The following NCF2 variants were observed in gnomAD, a reference collection of about 807,000 sequenced individuals.
The protein encoded by NCF2 is neutrophil cytosol factor 2.
NCF2 carries 45 observed loss-of-function variants against 70.9 expected under a neutral mutation model. The ratio of observed to expected loss-of-function variants is 0.63; its 90% CI spans 0.50 to 0.81. The LOEUF (loss-of-function observed/expected upper bound fraction) is 0.81, where lower values mean the gene tolerates loss of function less well. NCF2 is among the 40% of genes least tolerant of loss of function. The probability of loss-of-function intolerance (pLI) is 0.00; values close to 1 mark genes in which losing one functional copy is unlikely to be tolerated. For missense variants in NCF2, 522 were observed against 631.6 expected, an observed-to-expected ratio of 0.83 and a Z score of 1.86; for synonymous variants, 203 against 233.6, an observed-to-expected ratio of 0.87 and a Z score of 1.19.
chr1:183,599,463 TTTCTTTCTTTCTTTCTTTCTC>T, the NCF2 span, among the ~76,000 whole-genome samples: 23 of 142,326 alleles, frequency 1.6e-4, no homozygotes, highest in Non-Finnish European at 2.6e-4. Flanking sequence ...TCTTTCTTTC[TTTCTTTCTTTCTTTCTTTCTC>T]TTTTCTTTCT....
At chr1:183,573,046 G>A in intron 5 of NCF2, 139 bp downstream of exon 5, 1 of 815,020 alleles carries the variant, frequency 1.2e-6, no homozygotes, top group Non-Finnish European at 2.2e-6. Context: ...CCAAACCTCT[G>A]TCCTATAAAC....
chr1:183,582,411 T>G (rs1283582233), intron 2 of NCF2, among the ~76,000 whole-genome samples: 1 of 152,198 alleles, frequency 6.6e-6, no homozygotes, highest in African/African-American at 2.4e-5. Context: ...AGGCAGGGGA[T>G]CCACCAGCTG....
At chr1:183,581,016 T>G (rs1572170810) in intron 2 of NCF2, among the ~76,000 whole-genome samples, 1 of 144,516 alleles carries the variant, frequency 6.9e-6, no homozygotes, top group Admixed American at 6.9e-5. Flanking sequence ...TTGGGCCTGG[T>G]AGGAGAGAGA....
At chr1:183,565,851 A>C (rs1572153621) in intron 9 of NCF2, 72 bp from the exon 10 acceptor site, 1 of 1,445,002 alleles carries the variant, frequency 6.9e-7, no homozygotes, top group Non-Finnish European at 9.7e-7. Flanking sequence ...GTGGGGAAAC[A>C]CCCCTACAGA....
upstream of NCF2, among the ~76,000 whole-genome samples, chr1:183,592,646 T>C (rs1336620362): frequency 6.6e-6 from 1 of 152,210 alleles, no homozygotes; most frequent in Non-Finnish European, 1.5e-5. Flanking sequence ...TTCCATCTAG[T>C]GAATAAATAA....
At chr1:183,599,946 T>C in the NCF2 span, among the ~76,000 whole-genome samples, 1 of 152,200 alleles carries the variant, frequency 6.6e-6, no homozygotes, top group Non-Finnish European at 1.5e-5. Flanking sequence ...AGATATTCCT[T>C]AGACAATTTA....
the NCF2 span, among the ~76,000 whole-genome samples, chr1:183,596,162 G>T: frequency 6.6e-6 from 1 of 151,474 alleles, no homozygotes; most frequent in Non-Finnish European, 1.5e-5. Flanking sequence ...CCCATGATAT[G>T]GTGGATTTTT....
chr1:183,562,212 G>C (rs1672092551), intron 13 of NCF2, among the ~76,000 whole-genome samples: 1 of 152,116 alleles, frequency 6.6e-6, no homozygotes, highest in African/African-American at 2.4e-5. Flanking sequence ...ATAGATTGAA[G>C]CTGCTGTCAA....
intron 2 of NCF2, among the ~76,000 whole-genome samples, chr1:183,586,386 A>C (rs1005594481): frequency 2.0e-5 from 3 of 152,256 alleles, no homozygotes; most frequent in Admixed American, 6.5e-5. Context: ...GTATAAGTGC[A>C]TACGCTACTT....
At chr1:183,564,140 T>G in intron 10 of NCF2, 110 bp from the exon 11 acceptor site, 1 of 1,049,500 alleles carries the variant, frequency 9.5e-7, no homozygotes, top group Non-Finnish European at 1.5e-6. Flanking sequence ...CCCAACCTCT[T>G]ACCCTTTAAT....
rs368803722 is a variant in NCF2, at chr1:183,573,142, C to G, written c.609+43G>C. On this transcript the variant is annotated intron_variant, in intron 5 of 14. Transcript: ENST00000367535. ...CCCTCCCACCTTGCTCCACATGGCC[C>G]GGGCCACAGGAGACTCAGGGGAAGC... The G allele has an allele frequency of 6.3e-6, 10 of 1,578,480 alleles. No individual in the cohort carries two copies. The East Asian group carries it at 1.1e-4, about 18-fold the overall frequency.
intron 2 of NCF2, among the ~76,000 whole-genome samples, chr1:183,584,953 G>A (rs766295237): frequency 1.3e-5 from 2 of 152,096 alleles, no homozygotes; most frequent in African/African-American, 4.8e-5. Flanking sequence ...AATATGGGGG[G>A]AAGAGAGAGC....
At chr1:183,557,547 C>T (rs1377233528) in intron 14 of NCF2, among the ~76,000 whole-genome samples, 2 of 152,232 alleles carry the variant, frequency 1.3e-5, no homozygotes, top group Non-Finnish European at 2.9e-5. Context: ...CATCTCATAA[C>T]TTGAATGCAA....
At chr1:183,574,423 GTCC>G in intron 4 of NCF2, 61 bp downstream of exon 4, 1 of 1,608,342 alleles carries the variant, frequency 6.2e-7, no homozygotes, top group Non-Finnish European at 8.5e-7. Flanking sequence ...TCAATGGCAT[GTCC>G]TCTGAGACAA....
In NCF2 at chr1:183,586,937, A is replaced by G. The variant is rs1328721147; in HGVS notation, c.215T>C (p.Val72Ala). Reference sequence around the variant, plus strand: ...GAGCATCCCTCGTTGGAAGTAAGCCACTGCCAAGTGCTTGTCTCGGTTAAT... The same window carrying G: ...GAGCATCCCTCGTTGGAAGTAAGCCGCTGCCAAGTGCTTGTCTCGGTTAAT... ...RSINRDKHLAVAYFQRGMLYY... is the reference protein window; with the variant it reads ...RSINRDKHLAAAYFQRGMLYY... Residue 72 changes from valine (V) to alanine (A), a missense_variant, in exon 2 of 15, where the codon GTG becomes GCG. Coordinates refer to ENST00000367535, the MANE Select transcript of NCF2 (RefSeq NM_000433.4). 1 of 1,614,170 alleles carries G rather than the reference A, an allele frequency of 6.2e-7. No individual in the cohort carries two copies. The highest frequency in any genetic ancestry group is 1.7e-5 in the Admixed American group (1 of 60,024).
At chr1:183,560,020 A>G (rs930459569) in intron 14 of NCF2, 76 bp downstream of exon 14, 2 of 1,482,000 alleles carry the variant, frequency 1.3e-6, no homozygotes, top group South Asian at 2.3e-5. Context: ...GATTATTGAT[A>G]TTTTCTTCTC....
chr1:183,562,268 A>G (rs1001916451), intron 13 of NCF2, among the ~76,000 whole-genome samples: 4 of 152,214 alleles, frequency 2.6e-5, no homozygotes, highest in African/African-American at 9.6e-5. Context: ...AGTAGTTCAC[A>G]TTTAGAGCAG....
chr1:183,574,020 G>A (rs1391252860), intron 4 of NCF2, among the ~76,000 whole-genome samples: 1 of 152,242 alleles, frequency 6.6e-6, no homozygotes, highest in Non-Finnish European at 1.5e-5. Context: ...AACCCAGGAG[G>A]CAGAGGCTGC....
chr1:183,563,475 C>T lies in NCF2; in HGVS notation c.1137G>A (p.Val379=), dbSNP rs1473126708. The T allele has an allele frequency of 6.2e-7, 1 of 1,614,198 alleles. No homozygotes were observed. Among genetic ancestry groups the T allele is most frequent in the Admixed American group, 1.7e-5 (1 of 60,012 alleles). The change falls in exon 12 of 15, where the codon GTG becomes GTA. Residue 379 remains valine, a synonymous_variant. Coordinates refer to ENST00000367535, the MANE Select transcript of NCF2 (RefSeq NM_000433.4). ...CCAGCCGGAGCTCCAGTTTCTTAGA[C>T]ACCATGTCCCGGACCTGGCTGTAGG... The part of the protein sequence containing the change: ...GLPYSQVRDM[V]SKKLELRLEH...
Sources: gnomAD v4.1 joint callset for allele counts (sites outside exome capture counted in the v4.1 genomes callset) on GRCh38, gnomAD v4.1.1 for gene constraint, MANE v1.5 for transcripts, NCBI Gene and HGNC (gene_info 2026-07-23, HGNC 2026-07-21) for gene names.